Variants in COL18A1 observed in about 807,000 individuals in gnomAD.
COL18A1 encodes the protein collagen type XVIII alpha 1 chain, also known as collagen alpha-1(XVIII) chain.
A neutral mutation model predicts 168.0 loss-of-function variants in COL18A1; 133 were observed. The observed-to-expected ratio is 0.79, with a 90% CI of 0.69 to 0.91. The LOEUF is 0.91. Ranked by LOEUF, COL18A1 falls within the 40% of genes least tolerant of loss-of-function variation. The probability of loss-of-function intolerance (pLI) is 0.00; values close to 1 mark genes in which losing one functional copy is unlikely to be tolerated. For missense variants in COL18A1, 2,126 were observed against 1,925.4 expected (o/e 1.10, Z -1.95); for synonymous variants, 949 against 809.0 (o/e 1.17, Z -2.94).
intron 2 of COL18A1, among the ~76,000 whole-genome samples, chr21:45,462,590 C>T (rs1330160135): frequency 6.6e-6 from 1 of 152,090 alleles, no homozygotes; most frequent in East Asian, 1.9e-4. Flanking sequence ...TCTGTAATTT[C>T]TTTCTGGTTT....
At chr21:45,444,775 C>T (rs1409639879) in intron 2 of COL18A1, among the ~76,000 whole-genome samples, 1 of 152,086 alleles carries the variant, frequency 6.6e-6, no homozygotes, top group Non-Finnish European at 1.5e-5. Context: ...GACTCCGTGT[C>T]CATACCCTAG....
chr21:45,414,827 G>A (rs1485703457), intron 2 of COL18A1, among the ~76,000 whole-genome samples: 5 of 152,224 alleles, frequency 3.3e-5, no homozygotes, highest in Non-Finnish European at 5.9e-5. Context: ...TGTGGGACCC[G>A]TGAGTATGGC....
rs780472403 is a variant in COL18A1, at chr21:45,505,268, TCA to T, written c.3006_3007del (p.His1002GlnfsTer84). ...PPGPPSFPGP[H>X]RQTISVPGPP... The stretch of plus-strand genomic sequence containing the variant: ...CAGGGCCCCCTTCATTTCCTGGCCC[TCA>T]CAGGCAGAGTAAGTCAGTGGGGAGT... On this transcript the variant is annotated frameshift_variant, in exon 35 of 42. Transcript: ENST00000651438. LOFTEE classifies it high-confidence loss of function. 4 of 1,608,038 alleles carry T rather than the reference TCA, an allele frequency of 2.5e-6. No individual in the cohort carries two copies. The South Asian group carries it at 4.4e-5, about 18-fold the overall frequency.
rs144181212 is a variant in COL18A1, at chr21:45,482,883, C to A, written c.1701+62C>A. ...CCTGGTGCCCACTCAGTGCTCGGACCCCCAAAGAGGGTGGCAGCCCCACGG... is the reference window on the plus strand; with the variant it reads ...CCTGGTGCCCACTCAGTGCTCGGACACCCAAAGAGGGTGGCAGCCCCACGG... On this transcript the variant is annotated intron_variant, in intron 15 of 41. Coordinates refer to ENST00000651438, the MANE Select transcript of COL18A1 (RefSeq NM_001379500.1). 777 of 1,613,036 alleles carry A rather than the reference C, an allele frequency of 4.8e-4. 4 individuals are homozygous for A. The Middle Eastern group carries it at 9.4e-3, about 19-fold the overall frequency.
At chr21:45,417,459 C>G (rs967827417) in intron 2 of COL18A1, among the ~76,000 whole-genome samples, 6 of 152,218 alleles carry the variant, frequency 3.9e-5, no homozygotes, top group African/African-American at 1.4e-4. Flanking sequence ...GTTCCCTGTC[C>G]TGCGGTCTGT....
At chr21:45,408,371 A>T (rs939305438) in intron 2 of COL18A1, 2 of 152,282 alleles carry the variant, frequency 1.3e-5, no homozygotes, top group Non-Finnish European at 2.9e-5. Context: ...GTGCACACAC[A>T]TGCCCCCCGC....
chr21:45,504,329 T>TGCCC (rs1269952949), intron 33 of COL18A1, 87 bp from the exon 34 acceptor site: 1 of 1,385,460 alleles, frequency 7.2e-7, no homozygotes, highest in Non-Finnish European at 9.9e-7. Flanking sequence ...AGCTTCTGAC[T>TGCCC]GCCCAGCCCT....
chr21:45,486,684 A>G (rs886688632), intron 15 of COL18A1, among the ~76,000 whole-genome samples, 177 bp from the exon 16 acceptor site: 1 of 152,226 alleles, frequency 6.6e-6, no homozygotes, highest in Non-Finnish European at 1.5e-5. Context: ...TGTGGCTGAA[A>G]TCGTGTCGTA....
chr21:45,480,958 A>G, intron 13 of COL18A1, 100 bp downstream of exon 13: 1 of 1,471,876 alleles, frequency 6.8e-7, no homozygotes, highest in South Asian at 1.2e-5. Context: ...AGGCCTCCCC[A>G]GTCCCCGCCT....
chr21:45,498,469 C>G lies in COL18A1; in HGVS notation c.2683+808C>G. 2.8e-6 allele frequency: 2 copies of G among 706,166 alleles called. No homozygotes were observed. The highest frequency in any genetic ancestry group is 5.3e-6 in the Non-Finnish European group (2 of 378,720). The allele number at this position is 706,166 out of a possible 1,614,324, so 43.7% of individuals were successfully genotyped here. Reference sequence around the variant, plus strand: ...CAGGGTCCCCTCTCGCCGCCACGGTCCCCGCTCGCCGCCAGGGTCCCCTCT... The same window carrying G: ...CAGGGTCCCCTCTCGCCGCCACGGTGCCCGCTCGCCGCCAGGGTCCCCTCT... On this transcript the variant is annotated intron_variant, in intron 32 of 41. Coordinates refer to ENST00000651438, the MANE Select transcript of COL18A1 (RefSeq NM_001379500.1). The surrounding 1 kb of genome is among the most constrained non-coding windows in gnomAD (Gnocchi z 4.5).
intron 33 of COL18A1, 70 bp from the exon 34 acceptor site, chr21:45,504,344 CGG>C: frequency 6.7e-7 from 1 of 1,499,568 alleles, no homozygotes; most frequent in South Asian, 1.2e-5. Flanking sequence ...AGCCCTGGCT[CGG>C]GGGGATGGGA....
At chr21:45,500,005 G>A (rs919148998) in intron 32 of COL18A1, among the ~76,000 whole-genome samples, 9 of 152,282 alleles carry the variant, frequency 5.9e-5, no homozygotes, top group Non-Finnish European at 8.8e-5. Context: ...ACCATGTGCC[G>A]CTTACAAGAG....
At chr21:45,427,153 G>C (rs1360156929) in intron 2 of COL18A1, among the ~76,000 whole-genome samples, 3 of 152,104 alleles carry the variant, frequency 2.0e-5, no homozygotes, top group Admixed American at 1.3e-4. Context: ...TCTGGACTCA[G>C]TGTTAATGGC....
chr21:45,500,110 G>GT, intron 32 of COL18A1, among the ~76,000 whole-genome samples: 1 of 151,632 alleles, frequency 6.6e-6, no homozygotes, highest in Non-Finnish European at 1.5e-5. Context: ...GGTGTGCTGA[G>GT]TGTGTGCAGT....
At chr21:45,503,069 CCTTTGTGTA>C (rs1384469790) in intron 32 of COL18A1, 3 of 152,096 alleles carry the variant, frequency 2.0e-5, no homozygotes, top group Non-Finnish European at 4.4e-5. Context: ...GATTTATAGT[CCTTTGTGTA>C]TATACCCAGT....
At position 45,511,286 on chromosome 21, in the gene COL18A1, C is replaced by A. The variant is rs372572728; in HGVS notation, c.3809+60C>A. The A allele has an allele frequency of 3.8e-4, 346 of 909,244 alleles. 5 individuals are homozygous for A. Among genetic ancestry groups the A allele is most frequent in the Middle Eastern group, 3.6e-3 (14 of 3,910 alleles). 56.3% of individuals were successfully genotyped at this position (909,244 alleles called of 1,614,324 possible). A position where few individuals can be genotyped will look rare whatever the true frequency, so the allele number is the denominator to read the frequency against. On this transcript the variant is annotated intron_variant, in intron 41 of 41. Transcript: ENST00000651438. ...GCCCCAGCCAGGGAAGGCGGGCGGGCGGGCTCCTATCTGCAGTTTCCCCCC... is the reference window on the plus strand; with the variant it reads ...GCCCCAGCCAGGGAAGGCGGGCGGGAGGGCTCCTATCTGCAGTTTCCCCCC...
At chr21:45,504,806 C>T (rs1206947279) in intron 34 of COL18A1, among the ~76,000 whole-genome samples, 1 of 152,142 alleles carries the variant, frequency 6.6e-6, no homozygotes. Context: ...CCACGTGCAT[C>T]CACCTCTGCT....
chr21:45,472,227 T>C (rs539118914), intron 3 of COL18A1, among the ~76,000 whole-genome samples: 1 of 151,616 alleles, frequency 6.6e-6, no homozygotes, highest in African/African-American at 2.4e-5. Context: ...AGTTTTTTTT[T>C]TTTGTTTTTT....
intron 32 of COL18A1, among the ~76,000 whole-genome samples, chr21:45,500,091 G>A (rs1602574394): frequency 1.2e-5 from 1 of 83,012 alleles, no homozygotes; most frequent in South Asian, 3.5e-4. Flanking sequence ...TGTGGAGTGT[G>A]TGTATGTGGG....
Sources: gnomAD v4.1 joint callset for allele counts (sites outside exome capture counted in the v4.1 genomes callset) on GRCh38, gnomAD v4.1.1 for gene constraint, Gnocchi (gnomAD v3.1) non-coding constraint, MANE v1.5 for transcripts, NCBI Gene and HGNC (gene_info 2026-07-23, HGNC 2026-07-21) for gene names.